SLC35E3: variants seen among roughly 807,000 people sequenced by gnomAD.
SLC35E3 encodes the protein bladder cancer-overexpressed gene 1 protein.
SLC35E3 carries 28 observed loss-of-function variants against 30.8 expected under a neutral mutation model. That is an observed-to-expected ratio of 0.91 (90% CI 0.67 to 1.25). The LOEUF (loss-of-function observed/expected upper bound fraction) is 1.25, where lower values mean the gene tolerates loss of function less well. SLC35E3 is among the 50% of genes most tolerant of loss of function. The pLI, the probability that SLC35E3 is intolerant of heterozygous loss-of-function variation, is 0.00. For missense variants in SLC35E3, 365 were observed against 375.4 expected, an observed-to-expected ratio of 0.97 and a Z score of 0.23; for synonymous variants, 146 against 149.2, an observed-to-expected ratio of 0.98 and a Z score of 0.16.
At chr12:68,749,298 C>A (rs1315092181) in intron 2 of SLC35E3, among the ~76,000 whole-genome samples, 1 of 152,166 alleles carries the variant, frequency 6.6e-6, no homozygotes. Flanking sequence ...GGTACCATTA[C>A]AAAATAGGTA....
In SLC35E3 at chr12:68,753,706, T is replaced by G. The variant is rs143353212; in HGVS notation, c.672+1516T>G. ...CACTCTTCCACATTCCATTACCCCC[T>G]AATCTTCCACATTCCATTACCCCCT... On this transcript the variant is annotated intron_variant, in intron 3 of 4. Coordinates refer to ENST00000398004, the MANE Select transcript of SLC35E3 (RefSeq NM_018656.5). 5.9e-3 allele frequency among the ~76,000 whole-genome samples: 901 copies of G among 151,900 alleles called. 5 individuals carry two copies. The highest frequency in any genetic ancestry group is 0.037 in the Middle Eastern group (11 of 294).
At chr12:68,751,195 A>C (rs1410398448) in intron 2 of SLC35E3, among the ~76,000 whole-genome samples, 11 of 152,106 alleles carry the variant, frequency 7.2e-5, no homozygotes, top group Non-Finnish European at 1.5e-4. Context: ...GGGTTTTCCA[A>C]AGCAACTGAC....
In SLC35E3 at chr12:68,778,138, G is replaced by A. The variant is rs7132618; in HGVS notation, c.*13248G>A. The stretch of plus-strand genomic sequence containing the variant: ...CCTGTCTCAAAAAAAAGGGCGGGGT[G>A]CGGGGATTTTGGGTAGTAATATCAA... On this transcript the variant is annotated 3_prime_UTR_variant, in exon 5 of 5. Transcript: ENST00000398004. 0.98 allele frequency: 149,298 copies of A among 152,184 alleles called. 73,244 individuals carry two copies. The highest frequency in any genetic ancestry group is 1 in the East Asian group (5,182 of 5,182). The allele number at this position is 152,184 out of a possible 1,614,324, so 9.4% of individuals were successfully genotyped here. A position where few individuals can be genotyped will look rare whatever the true frequency, so the allele number is the denominator to read the frequency against.
intron 4 of SLC35E3, among the ~76,000 whole-genome samples, chr12:68,763,387 G>C (rs1423225371): frequency 6.6e-6 from 1 of 151,414 alleles, no homozygotes; most frequent in Admixed American, 6.6e-5. Flanking sequence ...GTGTGTGTCT[G>C]TGTCTGTGTC....
Position 68,772,717 on chromosome 12 carries a change from ATATT to A in SLC35E3, c.*7833_*7836del, listed in dbSNP as rs1592551179. 1 of 152,168 alleles carries A rather than the reference ATATT, an allele frequency of 6.6e-6. No individual in the cohort carries two copies. 9.4% of individuals were successfully genotyped at this position (152,168 alleles called of 1,614,324 possible). A position where few individuals can be genotyped will look rare whatever the true frequency, so the allele number is the denominator to read the frequency against. On this transcript the variant is annotated 3_prime_UTR_variant, in exon 5 of 5. Coordinates refer to ENST00000398004, the MANE Select transcript of SLC35E3 (RefSeq NM_018656.5). ...ACCAGCCAAGACTATGCATTTCTAA[ATATT>A]TATTTTTTTCGGTTATCCGTAGACT...
chr12:68,757,677 T>G (rs1879073322), intron 3 of SLC35E3, among the ~76,000 whole-genome samples: 1 of 152,234 alleles, frequency 6.6e-6, no homozygotes, highest in Non-Finnish European at 1.5e-5. Context: ...TGATTTTTAT[T>G]ATGTCCTCAA....
chr12:68,762,852 G>A (rs1444860473), intron 4 of SLC35E3, among the ~76,000 whole-genome samples: 1 of 152,220 alleles, frequency 6.6e-6, no homozygotes, highest in Non-Finnish European at 1.5e-5. Flanking sequence ...GACGCAGCCT[G>A]TGCTCTCCTG....
At chr12:68,761,782 TAAG>T (rs796799905) in intron 4 of SLC35E3, among the ~76,000 whole-genome samples, 38 of 152,258 alleles carry the variant, frequency 2.5e-4, no homozygotes, top group African/African-American at 7.2e-4. Context: ...GAAATATTTC[TAAG>T]AAGAGCCAAC....
At chr12:68,751,334 A>G (rs1161336282) in intron 2 of SLC35E3, among the ~76,000 whole-genome samples, 3 of 144,648 alleles carry the variant, frequency 2.1e-5, no homozygotes, top group African/African-American at 5.2e-5. Context: ...GTCTCACTCT[A>G]TCACTGAGGC....
intron 2 of SLC35E3, among the ~76,000 whole-genome samples, chr12:68,751,260 C>T (rs984854220): frequency 6.6e-6 from 1 of 151,584 alleles, no homozygotes; most frequent in African/African-American, 2.4e-5. Flanking sequence ...TAACCTGCCC[C>T]CATGCCCCAT....
intron 3 of SLC35E3, 90 bp downstream of exon 3, chr12:68,752,280 C>A: frequency 1.7e-6 from 2 of 1,171,078 alleles, no homozygotes; most frequent in Non-Finnish European, 2.4e-6. Flanking sequence ...AGCACTATGT[C>A]CGATCCATTC....
At chr12:68,753,806 C>A (rs1565713369) in intron 3 of SLC35E3, among the ~76,000 whole-genome samples, 1 of 23,370 alleles carries the variant, frequency 4.3e-5, no homozygotes, top group Non-Finnish European at 9.8e-5. Context: ...CCGTATATAT[C>A]CATACACACA....
chr12:68,749,836 G>A (rs1446338603), intron 2 of SLC35E3, among the ~76,000 whole-genome samples: 1 of 152,188 alleles, frequency 6.6e-6, no homozygotes, highest in East Asian at 1.9e-4. Context: ...CAAGGCTGAG[G>A]AGTGGGTGAT....
At chr12:68,754,572 C>T (rs532586046) in intron 3 of SLC35E3, among the ~76,000 whole-genome samples, 25 of 152,142 alleles carry the variant, frequency 1.6e-4, no homozygotes, top group Non-Finnish European at 3.1e-4. Flanking sequence ...AGGCGTGAGC[C>T]GCCGCGCCCA....
chr12:68,763,833 A>G (rs941120012), intron 4 of SLC35E3, among the ~76,000 whole-genome samples: 4 of 152,218 alleles, frequency 2.6e-5, no homozygotes, highest in Non-Finnish European at 4.4e-5. Context: ...AAATAGACCC[A>G]TTCATGTTTG....
At chr12:68,747,292 G>A (rs1878623897) in intron 1 of SLC35E3, among the ~76,000 whole-genome samples, 1 of 148,886 alleles carries the variant, frequency 6.7e-6, no homozygotes, top group Non-Finnish European at 1.5e-5. Context: ...TTTTTGAGAC[G>A]GAATTTCACT....
Position 68,770,517 on chromosome 12 carries a change from G to A in SLC35E3, c.*5627G>A, listed in dbSNP as rs2136084275. The A allele has an allele frequency of 6.6e-6, 1 of 152,566 alleles. No individual in the cohort carries two copies. Among genetic ancestry groups the A allele is most frequent in the African/African-American group, 2.4e-5 (1 of 41,512 alleles). The allele number at this position is 152,566 out of a possible 1,614,324, so 9.5% of individuals were successfully genotyped here. A position where few individuals can be genotyped will look rare whatever the true frequency, so the allele number is the denominator to read the frequency against. On this transcript the variant is annotated 3_prime_UTR_variant, in exon 5 of 5. Transcript: ENST00000398004. ...GACTGGAGATGGATTGGAAATGGAG[G>A]GCATGAGAAGGGGTGAAGTTAAGGA...
At position 68,772,909 on chromosome 12, in the gene SLC35E3, A is replaced by G. The variant is rs1263498775; in HGVS notation, c.*8019A>G. The G allele has an allele frequency of 6.6e-6, 1 of 152,152 alleles. No individual in the cohort carries two copies. The highest frequency in any genetic ancestry group is 1.9e-4 in the East Asian group (1 of 5,180). 9.4% of individuals were successfully genotyped at this position (152,152 alleles called of 1,614,324 possible). On this transcript the variant is annotated 3_prime_UTR_variant, in exon 5 of 5. Coordinates refer to ENST00000398004, the MANE Select transcript of SLC35E3 (RefSeq NM_018656.5). Reference sequence around the variant, plus strand: ...GCCATGTACAGCTGCAAAGGTGGCAAGAAGCCCTGAGAAAGCTCAAGAAGC... The same window carrying G: ...GCCATGTACAGCTGCAAAGGTGGCAGGAAGCCCTGAGAAAGCTCAAGAAGC...
Position 68,778,194 on chromosome 12 carries a change from G to A in SLC35E3, c.*13304G>A, listed in dbSNP as rs1222743111. Reference sequence around the variant, plus strand: ...GACAAAATAGAATTTGAGGCAAAAAGTGTTAATAGGATCAAGATTTTTTTT... The same window carrying A: ...GACAAAATAGAATTTGAGGCAAAAAATGTTAATAGGATCAAGATTTTTTTT... On this transcript the variant is annotated 3_prime_UTR_variant, in exon 5 of 5. Coordinates refer to ENST00000398004, the MANE Select transcript of SLC35E3 (RefSeq NM_018656.5). 1 of 152,148 alleles carries A rather than the reference G, an allele frequency of 6.6e-6. No individual in the cohort carries two copies. Among genetic ancestry groups the A allele is most frequent in the East Asian group, 1.9e-4 (1 of 5,182 alleles). The allele number at this position is 152,148 out of a possible 1,614,324, so 9.4% of individuals were successfully genotyped here.
Sources: gnomAD v4.1 joint callset for allele counts (sites outside exome capture counted in the v4.1 genomes callset) on GRCh38, gnomAD v4.1.1 for gene constraint, MANE v1.5 for transcripts, NCBI Gene and HGNC (gene_info 2026-07-23, HGNC 2026-07-21) for gene names.